PATJ: variants seen among roughly 807,000 people sequenced by gnomAD.
PATJ encodes the protein PATJ crumbs cell polarity complex component.
PATJ carries 190 observed loss-of-function variants against 224.9 expected under a neutral mutation model. The observed-to-expected ratio is 0.84, with a 90% CI of 0.75 to 0.95. The LOEUF (loss-of-function observed/expected upper bound fraction) is 0.95, where lower values mean the gene tolerates loss of function less well. Ranked by LOEUF, PATJ falls within the 40% of genes least tolerant of loss-of-function variation. The probability of loss-of-function intolerance (pLI) is 0.00; values close to 1 mark genes in which losing one functional copy is unlikely to be tolerated. For missense variants in PATJ, 2,121 were observed against 2,270.3 expected (o/e 0.93, Z 1.34); for synonymous variants, 769 against 820.3 (o/e 0.94, Z 1.07).
At chr1:61,892,742 G>A (rs1669784021) in intron 22 of PATJ, among the ~76,000 whole-genome samples, 1 of 152,072 alleles carries the variant, frequency 6.6e-6, no homozygotes, top group Non-Finnish European at 1.5e-5. Context: ...ACCCCCACAT[G>A]CATAGCCTCC....
chr1:62,002,898 A>T (rs1448932384), intron 28 of PATJ, among the ~76,000 whole-genome samples: 1 of 152,154 alleles, frequency 6.6e-6, no homozygotes. Context: ...TGGGGTTCTA[A>T]TTAGATCAGC....
At chr1:62,070,167 G>A (rs1657144680) in intron 31 of PATJ, among the ~76,000 whole-genome samples, 1 of 152,186 alleles carries the variant, frequency 6.6e-6, no homozygotes, top group Non-Finnish European at 1.5e-5. Context: ...TTCAAACAGA[G>A]GCACTTACTT....
intron 16 of PATJ, among the ~76,000 whole-genome samples, chr1:61,828,462 T>G (rs910804095): frequency 6.6e-6 from 1 of 151,282 alleles, no homozygotes; most frequent in African/African-American, 2.4e-5. Context: ...TGAACATGGC[T>G]CACTGTAGCC....
At chr1:61,812,433 A>AGAGTGT (rs1397549346) in intron 14 of PATJ, among the ~76,000 whole-genome samples, 40 of 85,200 alleles carry the variant, frequency 4.7e-4, no homozygotes, top group African/African-American at 1.5e-3. Context: ...AGAGAGAGAG[A>AGAGTGT]GTGTGTGTGT....
intron 22 of PATJ, among the ~76,000 whole-genome samples, chr1:61,897,693 C>CA (rs1374219327): frequency 2.0e-5 from 3 of 152,144 alleles, no homozygotes; most frequent in Non-Finnish European, 4.4e-5. Flanking sequence ...CACTGATCAG[C>CA]ACTGTGGCAC....
At chr1:61,827,164 G>T (rs777062230) in intron 15 of PATJ, among the ~76,000 whole-genome samples, 4 of 152,042 alleles carry the variant, frequency 2.6e-5, no homozygotes, top group Non-Finnish European at 4.4e-5. Flanking sequence ...CAGTAAGGGC[G>T]TATGCTGCAT....
At chr1:61,781,575 AT>A (rs1647334837) in intron 7 of PATJ, among the ~76,000 whole-genome samples, 1 of 152,214 alleles carries the variant, frequency 6.6e-6, no homozygotes, top group Non-Finnish European at 1.5e-5. Flanking sequence ...GCACACCTAC[AT>A]CCAAATTAGC....
intron 41 of PATJ, among the ~76,000 whole-genome samples, chr1:62,130,976 A>G (rs1666204518): frequency 6.6e-6 from 1 of 152,236 alleles, no homozygotes; most frequent in South Asian, 2.1e-4. Context: ...TATGAGGGGT[A>G]TAATGAAAAT....
At chr1:61,865,126 A>G (rs1487762563) in intron 20 of PATJ, 1 of 152,614 alleles carries the variant, frequency 6.6e-6, no homozygotes, top group Non-Finnish European at 1.5e-5. Flanking sequence ...TTTACACTTG[A>G]GATGCTATTT....
chr1:61,871,693 G>A (rs961429828), intron 20 of PATJ, among the ~76,000 whole-genome samples: 1 of 149,530 alleles, frequency 6.7e-6, no homozygotes, highest in African/African-American at 2.5e-5. Context: ...CTTCTGAGTA[G>A]CTGGTATTAC....
At chr1:62,013,614 G>C in intron 28 of PATJ, 2 of 616,474 alleles carry the variant, frequency 3.2e-6, no homozygotes, top group Non-Finnish European at 4.1e-6. Context: ...TGCAAGAAGA[G>C]AAATTTTTTT....
At chr1:61,854,865 T>C (rs1479995391) in intron 17 of PATJ, among the ~76,000 whole-genome samples, 1 of 152,206 alleles carries the variant, frequency 6.6e-6, no homozygotes, top group African/African-American at 2.4e-5. Context: ...GTCCTCGGTG[T>C]TTAATATCAA....
chr1:62,159,080 T>C (rs1377052284), intron 43 of PATJ, among the ~76,000 whole-genome samples: 2 of 152,266 alleles, frequency 1.3e-5, no homozygotes, highest in Non-Finnish European at 2.9e-5. Flanking sequence ...TAAAATTTAA[T>C]AAAATCAACT....
chr1:61,853,089 C>G (rs190405299), intron 17 of PATJ, among the ~76,000 whole-genome samples: 1 of 152,298 alleles, frequency 6.6e-6, no homozygotes, highest in Non-Finnish European at 1.5e-5. Flanking sequence ...TTTAGCATAA[C>G]TAGTGGTCTA....
At position 61,814,212 on chromosome 1, in the gene PATJ, C is replaced by T. The variant is rs1160212740; in HGVS notation, c.1683+5682C>T. On this transcript the variant is annotated intron_variant, in intron 14 of 43. Coordinates refer to ENST00000642238, the MANE Select transcript of PATJ (RefSeq NM_001350145.3). The stretch of plus-strand genomic sequence containing the variant: ...AGGTTGGAGTGCAATGGCACCATCT[C>T]GGCTCACTGCAACCTCCGCCTGCTG... 2.2e-4 allele frequency among the ~76,000 whole-genome samples: 31 copies of T among 139,096 alleles called. No individual in the cohort carries two copies. In the Admixed American group the frequency reaches 2.3e-3, roughly 10 times the overall value. The allele number at this position is 139,096 out of a possible 152,430, so 91.3% of individuals were successfully genotyped here. A position where few individuals can be genotyped will look rare whatever the true frequency, so the allele number is the denominator to read the frequency against.
In PATJ at chr1:61,815,261, A is replaced by C. The variant is rs1300104771; in HGVS notation, c.1683+6731A>C. ...TGGGGGAATAGAAGTTGTTTCTTTC[A>C]GAGTGTCTGGGTCAAACTAAGTGAA... On this transcript the variant is annotated intron_variant, in intron 14 of 43. Coordinates refer to ENST00000642238, the MANE Select transcript of PATJ (RefSeq NM_001350145.3). Among the ~76,000 whole-genome samples, 3 of 152,176 alleles carry C rather than the reference A, an allele frequency of 2.0e-5. No individual in the cohort carries two copies. In the East Asian group the frequency reaches 5.8e-4, roughly 29 times the overall value.
chr1:61,834,067 G>A (rs1659781248), intron 17 of PATJ, among the ~76,000 whole-genome samples: 2 of 152,074 alleles, frequency 1.3e-5, no homozygotes, highest in Admixed American at 6.5e-5. Flanking sequence ...GAGGACTTTT[G>A]TTCCTCAGCT....
chr1:62,052,837 A>G (rs1344167913), intron 31 of PATJ, among the ~76,000 whole-genome samples: 1 of 152,208 alleles, frequency 6.6e-6, no homozygotes, highest in Non-Finnish European at 1.5e-5. Flanking sequence ...CAGGGAAATG[A>G]GGAACAGCAA....
intron 23 of PATJ, among the ~76,000 whole-genome samples, chr1:61,900,627 T>C (rs1309439304): frequency 1.3e-5 from 2 of 152,094 alleles, no homozygotes; most frequent in Middle Eastern, 3.2e-3. Flanking sequence ...TCTGGCTCTG[T>C]CGCCCGGGCT....
Sources: gnomAD v4.1 joint callset for allele counts (sites outside exome capture counted in the v4.1 genomes callset) on GRCh38, gnomAD v4.1.1 for gene constraint, MANE v1.5 for transcripts, NCBI Gene and HGNC (gene_info 2026-07-23, HGNC 2026-07-21) for gene names.